Variants in FOXH1 observed in about 807,000 individuals in gnomAD.
FOXH1 encodes the protein forkhead box H1.
Under a neutral mutation model 14.2 loss-of-function variants are expected in FOXH1, and 10 were observed. That is an observed-to-expected ratio of 0.70 (90% confidence interval 0.43 to 1.19). The LOEUF is 1.19. Ranked by LOEUF, FOXH1 falls within the 50% of genes most tolerant of loss-of-function variation. The pLI is 0.00. For missense variants in FOXH1, 643 were observed against 492.1 expected, an observed-to-expected ratio of 1.31 and a Z score of -2.90; for synonymous variants, 273 against 209.5, an observed-to-expected ratio of 1.30 and a Z score of -2.62.
chr8:144,474,419 G>A lies in FOXH1; in HGVS notation c.917C>T (p.Thr306Ile), dbSNP rs1825073754. The A allele has an allele frequency of 6.2e-7, 1 of 1,613,286 alleles. No homozygotes were observed. The highest frequency in any genetic ancestry group is 1.1e-5 in the South Asian group (1 of 91,084). Residue 306 changes from threonine to isoleucine, a missense_variant, in exon 3 of 3, where the codon ACC becomes ATC. Coordinates refer to ENST00000377317, the MANE Select transcript of FOXH1 (RefSeq NM_003923.3). The part of the protein sequence containing the change: ...PPTSCPQCPS[T>I]SPAYWGVAPE... ...GGCCACCCCCCAGTAGGCAGGGCTG[G>A]TTGACGGACACTGGGGACAGGAGGT...
chr8:144,473,529 A>G lies in FOXH1; in HGVS notation c.*709T>C. ...CCATTGCCCCTGAGCTCCCAGAGTCACCCCTCCACCTCCGCAGCCAGTGAA... is the reference window on the plus strand; with the variant it reads ...CCATTGCCCCTGAGCTCCCAGAGTCGCCCCTCCACCTCCGCAGCCAGTGAA... On this transcript the variant is annotated 3_prime_UTR_variant, in exon 3 of 3. Coordinates refer to ENST00000377317, the MANE Select transcript of FOXH1 (RefSeq NM_003923.3). 1 of 1,278,728 alleles carries G rather than the reference A, an allele frequency of 7.8e-7. No homozygotes were observed. The highest frequency in any genetic ancestry group is 1.0e-6 in the Non-Finnish European group (1 of 966,404). The allele number at this position is 1,278,728 out of a possible 1,614,324, so 79.2% of individuals were successfully genotyped here. A position where few individuals can be genotyped will look rare whatever the true frequency, so the allele number is the denominator to read the frequency against.
At position 144,474,951 on chromosome 8, in the gene FOXH1, G is replaced by C. The variant is rs1825098210; in HGVS notation, c.385C>G (p.Arg129Gly). Residue 129 changes from arginine (R) to glycine (G), a missense_variant, in exon 3 of 3, where the codon CGG (arginine) becomes GGG (glycine). Transcript: ENST00000377317. The part of the protein sequence containing the change: ...ALRLQNTALC[R>G]RWQNGGARGA... ...CGCGCACCTCCGTTCTGCCAGCGCCGGCACAGGGCGGTGTTCTGCAGCCGG... is the reference window on the plus strand; with the variant it reads ...CGCGCACCTCCGTTCTGCCAGCGCCCGCACAGGGCGGTGTTCTGCAGCCGG... 1.2e-6 allele frequency: 2 copies of C among 1,607,496 alleles called. No individual in the cohort carries two copies. Among genetic ancestry groups the C allele is most frequent in the African/African-American group, 1.3e-5 (1 of 74,972 alleles).
At position 144,474,812 on chromosome 8, in the gene FOXH1, C is replaced by T. The variant is rs1825092907; in HGVS notation, c.524G>A (p.Gly175Glu). The T allele has an allele frequency of 6.2e-7, 1 of 1,609,570 alleles. No individual in the cohort carries two copies. The highest frequency in any genetic ancestry group is 8.5e-7 in the Non-Finnish European group (1 of 1,178,178). Reference sequence around the variant, plus strand: ...CGGCCAGGGTGCCCCCTCCCCGGACCCTCCTAGCAGGGACTTGATGCTGAA... The same window carrying T: ...CGGCCAGGGTGCCCCCTCCCCGGACTCTCCTAGCAGGGACTTGATGCTGAA... ...EGFSIKSLLG[G>E]SGEGAPWPGL... The change falls in exon 3 of 3, where the codon GGG (glycine) becomes GAG (glutamate). Residue 175 changes from glycine to glutamate, a missense_variant. By Grantham distance (98) the Gly-to-Glu change is moderately conservative (BLOSUM62 -2). Transcript: ENST00000377317.
rs766970193 is a variant in FOXH1 at position 144,473,443 on chromosome 8, G to A, written c.*795C>T. ...CTCAGGCCAGGTCTCTGCTGGCAGA[G>A]GCGGTAGTAAAGTCCCTGTACCCCG... On this transcript the variant is annotated 3_prime_UTR_variant, in exon 3 of 3. Coordinates refer to ENST00000377317, the MANE Select transcript of FOXH1 (RefSeq NM_003923.3). The A allele has an allele frequency of 6.5e-7, 1 of 1,528,530 alleles. No individual in the cohort carries two copies. Among genetic ancestry groups the A allele is most frequent in the Non-Finnish European group, 8.8e-7 (1 of 1,142,244 alleles). The allele number at this position is 1,528,530 out of a possible 1,614,324, so 94.7% of individuals were successfully genotyped here.
chr8:144,474,991 G>C lies in FOXH1; in HGVS notation c.345C>G (p.Ile115Met). The C allele has an allele frequency of 1.9e-6, 3 of 1,607,544 alleles. No homozygotes were observed. The highest frequency in any genetic ancestry group is 2.5e-6 in the Non-Finnish European group (3 of 1,178,010). ...TCTGCAGCCGGAGCGCCTCAGCTGG[G>C]ATCAGGCTCACGTCGACCGCCCAGA... ...GNFWAVDVSL[I>M]PAEALRLQNT... is the part of the protein sequence containing the mutation. Residue 115 changes from isoleucine to methionine, a missense_variant, in exon 3 of 3, where the codon ATC becomes ATG. Coordinates refer to ENST00000377317, the MANE Select transcript of FOXH1 (RefSeq NM_003923.3).
intron 1 of FOXH1, 93 bp from the exon 2 acceptor site, chr8:144,475,354 C>A: frequency 9.0e-7 from 1 of 1,107,108 alleles, no homozygotes; most frequent in Non-Finnish European, 1.3e-6. Context: ...CAGGGGCGCG[C>A]GGTGCCGGCC....
Position 144,474,914 on chromosome 8 carries a change from G to C in FOXH1, c.422C>G (p.Ala141Gly). The C allele has an allele frequency of 6.2e-7, 1 of 1,609,380 alleles. No homozygotes were observed. The highest frequency in any genetic ancestry group is 8.5e-7 in the Non-Finnish European group (1 of 1,179,494). ...CAGCACGTAGGGGCCCAGGTCCTTG[G>C]CGAAGGCTCCACGCGCACCTCCGTT... Reference protein sequence around the residue: ...WQNGGARGAFAKDLGPYVLHG... With the variant: ...WQNGGARGAFGKDLGPYVLHG... Residue 141 changes from alanine to glycine, a missense_variant, in exon 3 of 3, where the codon GCC (alanine) becomes GGC (glycine). Ala to Gly is a moderately conservative substitution (Grantham distance 60). Coordinates refer to ENST00000377317, the MANE Select transcript of FOXH1 (RefSeq NM_003923.3).
In FOXH1 at chr8:144,474,998, C is replaced by G. The variant is rs144830740; in HGVS notation, c.338G>C (p.Ser113Thr). 5.8e-3 allele frequency: 9,248 copies of G among 1,606,692 alleles called. 38 individuals are homozygous for G. Among genetic ancestry groups the G allele is most frequent in the Non-Finnish European group, 7.3e-3 (8,593 of 1,177,488 alleles). The change falls in exon 3 of 3, where the codon AGC (serine) becomes ACC (threonine). Residue 113 changes from serine to threonine, a missense_variant. By Grantham distance (58) the Ser-to-Thr change is moderately conservative. Transcript: ENST00000377317. ...AKGNFWAVDVSLIPAEALRLQ... is the reference protein window; with the variant it reads ...AKGNFWAVDVTLIPAEALRLQ... Reference sequence around the variant, plus strand: ...CCGGAGCGCCTCAGCTGGGATCAGGCTCACGTCGACCGCCCAGAAGTTGCC... The same window carrying G: ...CCGGAGCGCCTCAGCTGGGATCAGGGTCACGTCGACCGCCCAGAAGTTGCC...
At position 144,474,858 on chromosome 8, in the gene FOXH1, G is replaced by C. The variant is rs759179996; in HGVS notation, c.478C>G (p.Pro160Ala). 7 of 1,611,564 alleles carry C rather than the reference G, an allele frequency of 4.3e-6. No homozygotes were observed. The African/African-American group carries it at 9.3e-5, about 22-fold the overall frequency. ...CTGAAGCCCTCACTGGGTGGTGGCG[G>C]GGGACTGGGCGGCCGGTATGGCCGG... is the stretch of plus-strand genomic sequence containing the variant. Reference protein sequence around the residue: ...HGRPYRPPSPPPPPSEGFSIK... With the variant: ...HGRPYRPPSPAPPPSEGFSIK... The change falls in exon 3 of 3, where the codon CCG (proline) becomes GCG (alanine). Residue 160 changes from proline to alanine, a missense_variant. Physicochemically the swap from Pro to Ala is conservative, Grantham distance 27 (BLOSUM62 -1). Coordinates refer to ENST00000377317, the MANE Select transcript of FOXH1 (RefSeq NM_003923.3).
chr8:144,473,940 T>G lies in FOXH1; in HGVS notation c.*298A>C. On this transcript the variant is annotated 3_prime_UTR_variant, in exon 3 of 3. Transcript: ENST00000377317. ...AGGGGAGGTGACGGCTGGTGACTGATGGATGGGTAGTGGGCTGAGAAGAGG... is the reference window on the plus strand; with the variant it reads ...AGGGGAGGTGACGGCTGGTGACTGAGGGATGGGTAGTGGGCTGAGAAGAGG... 1 of 442,890 alleles carries G rather than the reference T, an allele frequency of 2.3e-6. No individual in the cohort carries two copies. Among genetic ancestry groups the G allele is most frequent in the Non-Finnish European group, 4.0e-6 (1 of 248,790 alleles). 27.4% of individuals were successfully genotyped at this position (442,890 alleles called of 1,614,324 possible). A position where few individuals can be genotyped will look rare whatever the true frequency, so the allele number is the denominator to read the frequency against.
chr8:144,473,717 A>C lies in FOXH1; in HGVS notation c.*521T>G. The stretch of plus-strand genomic sequence containing the variant: ...ACCCAAGTCACCACTCCTGACCCAA[A>C]AATCAGGCATGGCATTAAAACGTTG... On this transcript the variant is annotated 3_prime_UTR_variant, in exon 3 of 3. Transcript: ENST00000377317. 2.3e-6 allele frequency: 1 copy of C among 443,376 alleles called. No homozygotes were observed. The highest frequency in any genetic ancestry group is 3.8e-5 in the East Asian group (1 of 26,314). 27.5% of individuals were successfully genotyped at this position (443,376 alleles called of 1,614,324 possible). A position where few individuals can be genotyped will look rare whatever the true frequency, so the allele number is the denominator to read the frequency against.
chr8:144,474,876 A>G lies in FOXH1; in HGVS notation c.460T>C (p.Tyr154His), dbSNP rs768964698. The change falls in exon 3 of 3, where the codon TAC becomes CAC. Residue 154 changes from tyrosine to histidine, a missense_variant. By Grantham distance (83) the Tyr-to-His change is moderately conservative. Coordinates refer to ENST00000377317, the MANE Select transcript of FOXH1 (RefSeq NM_003923.3). ...GGTGGCGGGGGACTGGGCGGCCGGTATGGCCGGCCGTGCAGCACGTAGGGG... is the reference window on the plus strand; with the variant it reads ...GGTGGCGGGGGACTGGGCGGCCGGTGTGGCCGGCCGTGCAGCACGTAGGGG... ...LGPYVLHGRP[Y>H]RPPSPPPPPS... is the part of the protein sequence containing the mutation. The G allele has an allele frequency of 6.8e-6, 11 of 1,610,948 alleles. No homozygotes were observed. The highest frequency in any genetic ancestry group is 4.5e-5 in the East Asian group (2 of 44,870).
At position 144,474,750 on chromosome 8, in the gene FOXH1, T is replaced by C. The variant is rs1030745371; in HGVS notation, c.586A>G (p.Thr196Ala). 2 of 1,572,208 alleles carry C rather than the reference T, an allele frequency of 1.3e-6. No homozygotes were observed. Among genetic ancestry groups the C allele is most frequent in the Non-Finnish European group, 8.6e-7 (1 of 1,156,768 alleles). The change falls in exon 3 of 3, where the codon ACA (threonine) becomes GCA (alanine). Residue 196 changes from threonine to alanine, a missense_variant. Physicochemically the swap from Thr to Ala is moderately conservative, Grantham distance 58 (BLOSUM62 0). Transcript: ENST00000377317. The stretch of plus-strand genomic sequence containing the variant: ...ACCGCCTCCTCCCCACTGTTCCCTG[T>C]GCCTGCAGGAACTGGGCTGCTCTGT... ...APQSSPVPAG[T>A]GNSGEEAVPT...
In FOXH1 at chr8:144,475,662, T is replaced by C; in HGVS notation, c.95A>G (p.Asp32Gly). ...KRRKKRYLRH[D>G]KPPYTYLAMI... Reference sequence around the variant, plus strand: ...GGCCAAGTAGGTGTAGGGGGGCTTGTCATGTCGCAGGTACCTCTTCTTCCT... The same window carrying C: ...GGCCAAGTAGGTGTAGGGGGGCTTGCCATGTCGCAGGTACCTCTTCTTCCT... The change falls in exon 1 of 3, where the codon GAC becomes GGC. Residue 32 changes from aspartate (D) to glycine (G), a missense_variant. Transcript: ENST00000377317. 4 of 1,421,930 alleles carry C rather than the reference T, an allele frequency of 2.8e-6. No homozygotes were observed. Among genetic ancestry groups the C allele is most frequent in the Non-Finnish European group, 3.7e-6 (4 of 1,085,386 alleles). 88.1% of individuals were successfully genotyped at this position (1,421,930 alleles called of 1,614,324 possible).
Position 144,475,591 on chromosome 8 carries a change from G to C in FOXH1, c.166C>G (p.Leu56Val), listed in dbSNP as rs1270873964. 6.9e-7 allele frequency: 1 copy of C among 1,449,048 alleles called. No homozygotes were observed. Among genetic ancestry groups the C allele is most frequent in the Non-Finnish European group, 9.1e-7 (1 of 1,097,886 alleles). 89.8% of individuals were successfully genotyped at this position (1,449,048 alleles called of 1,614,324 possible). Residue 56 changes from leucine (L) to valine (V), a missense_variant, in exon 1 of 3, where the codon CTG becomes GTG. Physicochemically the swap from Leu to Val is conservative, Grantham distance 32. Transcript: ENST00000377317. ...IQAAPSRRLK[L>V]AQIIRQVQAV... ...GGCCGGGGCCCGCTCACCTGGGCCA[G>C]CTTCAGTCTGCGGGAGGGAGCGGCC...
rs771437449 is a variant in FOXH1, at chr8:144,474,523, G to T, written c.813C>A (p.Ala271=). 1.2e-6 allele frequency: 2 copies of T among 1,611,222 alleles called. No homozygotes were observed. The highest frequency in any genetic ancestry group is 2.2e-5 in the South Asian group (2 of 91,010). ...PGGRSSGGHR[A]SLWGQLPTSY... ...AGGTGGGCAGCTGCCCCCAGAGGGAGGCCCTGTGTCCCCCGCTGGACCGTC... is the reference window on the plus strand; with the variant it reads ...AGGTGGGCAGCTGCCCCCAGAGGGATGCCCTGTGTCCCCCGCTGGACCGTC... Residue 271 remains alanine (A), a synonymous_variant, in exon 3 of 3, where the codon GCC becomes GCA. Transcript: ENST00000377317.
chr8:144,475,470 T>G, intron 1 of FOXH1, 113 bp downstream of exon 1: 2 of 888,778 alleles, frequency 2.3e-6, no homozygotes, highest in Non-Finnish European at 3.4e-6. Flanking sequence ...TCAGGACTGG[T>G]CCCACTGGCA....
In FOXH1 at chr8:144,473,973, G is replaced by A. The variant is rs1447191018; in HGVS notation, c.*265C>T. The A allele has an allele frequency of 5.6e-6, 3 of 536,638 alleles. No individual in the cohort carries two copies. Among genetic ancestry groups the A allele is most frequent in the African/African-American group, 1.9e-5 (1 of 53,006 alleles). 33.2% of individuals were successfully genotyped at this position (536,638 alleles called of 1,614,324 possible). A position where few individuals can be genotyped will look rare whatever the true frequency, so the allele number is the denominator to read the frequency against. On this transcript the variant is annotated 3_prime_UTR_variant, in exon 3 of 3. Coordinates refer to ENST00000377317, the MANE Select transcript of FOXH1 (RefSeq NM_003923.3). ...TAGTGGGCTGAGAAGAGGGGACTAGGAAGGGCTATTCCAGGCTCAGCCCTG... is the reference window on the plus strand; with the variant it reads ...TAGTGGGCTGAGAAGAGGGGACTAGAAAGGGCTATTCCAGGCTCAGCCCTG...
intron 1 of FOXH1, 72 bp downstream of exon 1, chr8:144,475,511 C>T: frequency 3.2e-6 from 4 of 1,255,302 alleles, no homozygotes; most frequent in South Asian, 1.6e-5. Flanking sequence ...GGGTGGGGGT[C>T]AGGGCTTGAA....
Sources: gnomAD v4.1 joint callset for allele counts on GRCh38, gnomAD v4.1.1 for gene constraint, MANE v1.5 for transcripts, NCBI Gene and HGNC (gene_info 2026-07-23, HGNC 2026-07-21) for gene names.